Variants in SLC12A7 observed in about 807,000 individuals in gnomAD.
SLC12A7 encodes the protein solute carrier family 12 member 7, also known as K-Cl cotransporter 4.
A neutral mutation model predicts 120.6 loss-of-function variants in SLC12A7; 100 were observed. The observed-to-expected ratio is 0.83, with a 90% CI of 0.71 to 0.98. SLC12A7 has a LOEUF of 0.98. Ranked by LOEUF, SLC12A7 falls within the 50% of genes least tolerant of loss-of-function variation. The probability of loss-of-function intolerance (pLI) is 0.00; values close to 1 mark genes in which losing one functional copy is unlikely to be tolerated. For missense variants in SLC12A7, 1,373 were observed against 1,548.1 expected, an observed-to-expected ratio of 0.89 and a Z score of 1.90; for synonymous variants, 760 against 678.0, an observed-to-expected ratio of 1.12 and a Z score of -1.88.
At chr5:1,104,246 G>A (rs1742291293) in intron 1 of SLC12A7, among the ~76,000 whole-genome samples, 1 of 152,222 alleles carries the variant, frequency 6.6e-6, no homozygotes, top group African/African-American at 2.4e-5. Flanking sequence ...CCAAGGAGAT[G>A]AGAGGTCACA....
rs1293165668 is a variant in SLC12A7 at position 1,087,047 on chromosome 5, G to C, written c.545-14C>G. The C allele has an allele frequency of 1.2e-6, 2 of 1,607,644 alleles. No homozygotes were observed. Among genetic ancestry groups the C allele is most frequent in the Non-Finnish European group, 1.7e-6 (2 of 1,176,956 alleles). ...AGGACCCGCCAGCTGCGGAGACAAAGGCGGCAGCCGCGGGTCAGGGGCGCA... is the reference window on the plus strand; with the variant it reads ...AGGACCCGCCAGCTGCGGAGACAAACGCGGCAGCCGCGGGTCAGGGGCGCA... On this transcript the variant is annotated splice_polypyrimidine_tract_variant and intron_variant, in intron 5 of 23. Coordinates refer to ENST00000264930, the MANE Select transcript of SLC12A7 (RefSeq NM_006598.3).
chr5:1,106,521 C>T (rs957469213), intron 1 of SLC12A7, among the ~76,000 whole-genome samples: 9 of 151,834 alleles, frequency 5.9e-5, no homozygotes, highest in Admixed American at 3.9e-4. Context: ...GCCCTCCGGG[C>T]AGCCAGCTGG....
Position 1,052,353 on chromosome 5 carries a change from T to C in SLC12A7, c.*7A>G, listed in dbSNP as rs370521503. 23 of 1,610,984 alleles carry C rather than the reference T, an allele frequency of 1.4e-5. No individual in the cohort carries two copies. The highest frequency in any genetic ancestry group is 1.9e-5 in the Non-Finnish European group (22 of 1,178,456). ...CCTGTCCCAGAGTGCCGTGATGCTG[T>C]TGGGCATTAGGAGTAGATGGTGATC... On this transcript the variant is annotated 3_prime_UTR_variant, in exon 24 of 24. Coordinates refer to ENST00000264930, the MANE Select transcript of SLC12A7 (RefSeq NM_006598.3).
intron 20 of SLC12A7, among the ~76,000 whole-genome samples, chr5:1,062,295 C>T (rs891542420): frequency 7.2e-5 from 11 of 152,178 alleles, no homozygotes; most frequent in South Asian, 4.1e-4. Context: ...TTTTACTAAG[C>T]GGTTTTATGA....
chr5:1,141,106 T>G, the SLC12A7 span, among the ~76,000 whole-genome samples: 1 of 152,324 alleles, frequency 6.6e-6, no homozygotes, highest in South Asian at 2.1e-4. Flanking sequence ...GGTCAGTGTG[T>G]GGCTGGGCTG....
the SLC12A7 span, among the ~76,000 whole-genome samples, chr5:1,147,070 C>T: frequency 1.3e-5 from 2 of 152,208 alleles, no homozygotes; most frequent in African/African-American, 4.8e-5. Flanking sequence ...AGCCTCCATC[C>T]ATGTGGCAGT....
the SLC12A7 span, among the ~76,000 whole-genome samples, chr5:1,119,674 C>A: frequency 9.9e-5 from 15 of 152,240 alleles, no homozygotes; most frequent in African/African-American, 3.6e-4. Context: ...TTTCAGCCAC[C>A]CCGTGCCAGG....
chr5:1,120,433 G>A, the SLC12A7 span, among the ~76,000 whole-genome samples: 10 of 152,226 alleles, frequency 6.6e-5, no homozygotes, highest in Non-Finnish European at 1.2e-4. Context: ...ATGCCACCTC[G>A]CCGGGGGACG....
the SLC12A7 span, among the ~76,000 whole-genome samples, chr5:1,150,375 C>G: frequency 6.6e-6 from 1 of 151,980 alleles, no homozygotes; most frequent in African/African-American, 2.4e-5. Flanking sequence ...GGGCACAGGC[C>G]TCGACCAGAG....
At chr5:1,138,119 G>T in the SLC12A7 span, among the ~76,000 whole-genome samples, 3 of 152,164 alleles carry the variant, frequency 2.0e-5, no homozygotes, top group Non-Finnish European at 2.9e-5. Context: ...CCAGATCTTT[G>T]CAGTGTTACA....
intron 11 of SLC12A7, 75 bp from the exon 12 acceptor site, chr5:1,078,082 C>T (rs2150838365): frequency 6.8e-7 from 1 of 1,475,668 alleles, no homozygotes; most frequent in East Asian, 2.5e-5. Flanking sequence ...TTCTCCCACC[C>T]AGAGCGAGGG....
intron 9 of SLC12A7, 130 bp downstream of exon 9, chr5:1,081,447 T>C: frequency 2.1e-6 from 2 of 935,576 alleles, no homozygotes; most frequent in Non-Finnish European, 3.1e-6. Flanking sequence ...TATTTGTGTC[T>C]AGGAGTTGAG....
chr5:1,150,086 C>T, the SLC12A7 span, among the ~76,000 whole-genome samples: 1 of 152,150 alleles, frequency 6.6e-6, no homozygotes, highest in Non-Finnish European at 1.5e-5. Context: ...GCCCTTTTCC[C>T]ATTTTTAAAA....
the SLC12A7 span, among the ~76,000 whole-genome samples, chr5:1,142,342 CCCCTCTT>C: frequency 1.0e-5 from 1 of 100,458 alleles, no homozygotes; most frequent in Non-Finnish European, 2.0e-5. Context: ...TCTCCCCTCT[CCCCTCTT>C]CCCTCTCCCC....
At position 1,073,553 on chromosome 5, in the gene SLC12A7, C is replaced by G. The variant is rs115742706; in HGVS notation, c.2241+80G>C. On this transcript the variant is annotated intron_variant, in intron 17 of 23. Transcript: ENST00000264930. ...CGCACAGCACCGTGTTGACACGCTG[C>G]GATGAGGACATGCCAGGGCACGTTT... is the stretch of plus-strand genomic sequence containing the variant. The G allele has an allele frequency of 6.8e-4, 981 of 1,452,920 alleles. 3 individuals carry two copies. The African/African-American group carries it at 0.012, about 18-fold the overall frequency. The allele number at this position is 1,452,920 out of a possible 1,614,324, so 90.0% of individuals were successfully genotyped here.
chr5:1,062,047 G>A (rs11956454), intron 20 of SLC12A7, among the ~76,000 whole-genome samples: 50,888 of 152,200 alleles, frequency 0.33, 10,315 homozygotes, highest in Non-Finnish European at 0.46. Context: ...GGGGTGGGCA[G>A]CCCCAGCCCT....
At chr5:1,091,826 A>G (rs1402584477) in intron 3 of SLC12A7, among the ~76,000 whole-genome samples, 5 of 151,958 alleles carry the variant, frequency 3.3e-5, no homozygotes, top group Non-Finnish European at 7.4e-5. Flanking sequence ...ATCCACGTGC[A>G]GAAAGGTGCT....
chr5:1,136,423 C>A, the SLC12A7 span, among the ~76,000 whole-genome samples: 10 of 133,658 alleles, frequency 7.5e-5, no homozygotes, highest in South Asian at 2.4e-4. Context: ...CACGCAGGCA[C>A]ACGTGTGCTC....
At chr5:1,085,534 T>C in intron 6 of SLC12A7, 61 bp from the exon 7 acceptor site, 2 of 1,505,860 alleles carry the variant, frequency 1.3e-6, no homozygotes, top group Non-Finnish European at 1.8e-6. Flanking sequence ...TGCCCGTCCC[T>C]CCCGCAAGCC....
Sources: allele counts gnomAD v4.1 joint callset (sites outside exome capture counted in the v4.1 genomes callset), GRCh38; gene constraint gnomAD v4.1.1; transcripts MANE v1.5; gene names NCBI Gene and HGNC (gene_info 2026-07-23, HGNC 2026-07-21).